The following GPHN variants were observed in gnomAD, a reference collection of about 807,000 sequenced individuals.
GPHN encodes gephyrin.
GPHN carries 17 observed loss-of-function variants against 95.5 expected under a neutral mutation model. The observed-to-expected ratio is 0.18, with a 90% CI of 0.12 to 0.27. GPHN has a LOEUF of 0.27. Ranked by LOEUF, GPHN falls within the 10% of genes least tolerant of loss-of-function variation. The pLI, the probability that GPHN is intolerant of heterozygous loss-of-function variation, is 1.00. For missense variants in GPHN, 660 were observed against 978.1 expected (o/e 0.67, Z 4.34); for synonymous variants, 320 against 322.5 (o/e 0.99, Z 0.08).
At chr14:67,421,797 C>T in the GPHN span, among the ~76,000 whole-genome samples, 44 of 152,240 alleles carry the variant, frequency 2.9e-4, no homozygotes, top group African/African-American at 7.9e-4. Flanking sequence ...TGCGGGTTCT[C>T]GGTCTGCTTT....
intron 9 of GPHN, among the ~76,000 whole-genome samples, chr14:66,971,042 A>G (rs932089233): frequency 2.0e-5 from 3 of 152,206 alleles, no homozygotes; most frequent in African/African-American, 7.2e-5. Context: ...TTGTTGTACT[A>G]GGAATTCTGA....
chr14:67,576,561 G>A, the GPHN span: 2 of 852,026 alleles, frequency 2.3e-6, no homozygotes, highest in South Asian at 2.8e-5. The surrounding 1 kb of genome is among the most constrained non-coding windows in gnomAD (Gnocchi z 4.0). Flanking sequence ...GGTGACTATT[G>A]GTCAAGATCC....
intron 9 of GPHN, among the ~76,000 whole-genome samples, chr14:67,016,226 A>T (rs1315008067): frequency 6.6e-6 from 1 of 152,006 alleles, no homozygotes; most frequent in Non-Finnish European, 1.5e-5. Flanking sequence ...GCCTACAGAT[A>T]TTTTTTTCAT....
At chr14:67,364,700 G>C in the GPHN span, 1 of 1,454,648 alleles carries the variant, frequency 6.9e-7, no homozygotes, top group Non-Finnish European at 9.2e-7. Context: ...GCAGGATGTG[G>C]AAATTGATTT....
At chr14:67,149,215 G>T (rs1172046570) in intron 18 of GPHN, among the ~76,000 whole-genome samples, 1 of 151,638 alleles carries the variant, frequency 6.6e-6, no homozygotes, top group African/African-American at 2.4e-5. Context: ...GTGGTGGCGG[G>T]CGCCTGTAAT....
At chr14:67,585,921 T>TC in the GPHN span, 1 of 1,592,928 alleles carries the variant, frequency 6.3e-7, no homozygotes, top group Non-Finnish European at 8.5e-7. Context: ...GTGGAAAGTT[T>TC]CCCCACAACT....
At chr14:67,180,214 T>G (rs1170696037) in intron 22 of GPHN, among the ~76,000 whole-genome samples, 2 of 152,238 alleles carry the variant, frequency 1.3e-5, no homozygotes, top group African/African-American at 2.4e-5. Flanking sequence ...ATTTTTGATG[T>G]GACTCCAGAA....
the GPHN span, chr14:67,600,397 G>GAGA: frequency 7.4e-6 from 4 of 539,270 alleles, no homozygotes; most frequent in Admixed American, 3.8e-5. Flanking sequence ...GGCCTTGACT[G>GAGA]TCTTCGAAAA....
the GPHN span, chr14:67,569,869 C>A: frequency 8.5e-7 from 1 of 1,174,452 alleles, no homozygotes; most frequent in Non-Finnish European, 1.3e-6. Flanking sequence ...TCCCCCACAC[C>A]CCTTCCTGGG....
chr14:67,168,648 T>C (rs2082419041), intron 20 of GPHN, among the ~76,000 whole-genome samples: 1 of 152,158 alleles, frequency 6.6e-6, no homozygotes, highest in South Asian at 2.1e-4. Flanking sequence ...ATAATAAGAT[T>C]AGTAATGGCT....
chr14:67,051,607 C>T (rs1320583460), intron 10 of GPHN, among the ~76,000 whole-genome samples: 1 of 152,106 alleles, frequency 6.6e-6, no homozygotes, highest in Non-Finnish European at 1.5e-5. Context: ...ATCCAGAGAA[C>T]CACAGTAAGA....
the GPHN span, chr14:67,320,162 A>T: frequency 7.0e-7 from 1 of 1,420,614 alleles, no homozygotes; most frequent in Non-Finnish European, 9.4e-7. Flanking sequence ...GTGAAGATCT[A>T]TGAGTATTTA....
chr14:66,687,103 A>T (rs556983245), intron 2 of GPHN, among the ~76,000 whole-genome samples: 90 of 152,264 alleles, frequency 5.9e-4, no homozygotes, highest in African/African-American at 2.0e-3. Flanking sequence ...GATGAAGCCC[A>T]CTTGATCATG....
the GPHN span, among the ~76,000 whole-genome samples, chr14:67,260,600 A>G: frequency 6.6e-6 from 1 of 152,198 alleles, no homozygotes; most frequent in Non-Finnish European, 1.5e-5. Context: ...TTAAGATTTC[A>G]TAGGATACTT....
chr14:67,562,573 G>T, the GPHN span: 1 of 1,612,354 alleles, frequency 6.2e-7, no homozygotes, highest in Non-Finnish European at 8.5e-7. Flanking sequence ...CCCTACCAAA[G>T]GTGCGGGCTC....
At chr14:67,474,475 G>A in the GPHN span, among the ~76,000 whole-genome samples, 2 of 152,076 alleles carry the variant, frequency 1.3e-5, no homozygotes, top group Non-Finnish European at 2.9e-5. Flanking sequence ...TATCCACTGG[G>A]GACCCCATTT....
At chr14:67,692,627 C>T in the GPHN span, 6 of 1,517,378 alleles carry the variant, frequency 4.0e-6, no homozygotes, top group Non-Finnish European at 5.3e-6. Context: ...AAATGGTCAG[C>T]TCTGTTTTTG....
intron 8 of GPHN, among the ~76,000 whole-genome samples, chr14:66,957,783 G>C (rs12588821): frequency 0.33 from 49,576 of 152,012 alleles, 12,916 homozygotes; most frequent in African/African-American, 0.7. Flanking sequence ...CTGTTAGGAA[G>C]CGGTCCGCAC....
chr14:66,981,587 C>T (rs1039907294), intron 9 of GPHN, among the ~76,000 whole-genome samples: 3 of 151,960 alleles, frequency 2.0e-5, no homozygotes, highest in African/African-American at 7.2e-5. Context: ...TATTTCTTTT[C>T]ATTGATAATC....
Sources: gnomAD v4.1 joint callset for allele counts (sites outside exome capture counted in the v4.1 genomes callset) on GRCh38, gnomAD v4.1.1 for gene constraint, Gnocchi (gnomAD v3.1) non-coding constraint, MANE v1.5 for transcripts, NCBI Gene and HGNC (gene_info 2026-07-23, HGNC 2026-07-21) for gene names.